CNGB3: variants seen among roughly 807,000 people sequenced by gnomAD.
CNGB3 encodes the protein cyclic nucleotide-gated channel beta-3.
Under a neutral mutation model 92.8 loss-of-function variants are expected in CNGB3, and 86 were observed. The ratio of observed to expected loss-of-function variants is 0.93; its 90% confidence interval spans 0.78 to 1.11. The LOEUF is 1.11. Among genes scored for constraint, CNGB3 ranks in the 50% least tolerant of loss-of-function variants. The pLI is 0.00. For missense variants in CNGB3, 1,026 were observed against 956.8 expected (o/e 1.07, Z -0.95); for synonymous variants, 333 against 332.7 (o/e 1.00, Z -0.01).
intron 3 of CNGB3, among the ~76,000 whole-genome samples, chr8:86,678,413 GTTGT>G (rs1323914224): frequency 6.6e-6 from 1 of 152,138 alleles, no homozygotes; most frequent in Non-Finnish European, 1.5e-5. Flanking sequence ...AAGATTTTGA[GTTGT>G]TTATCACATT....
At chr8:86,579,786 C>T (rs773493797) in intron 15 of CNGB3, among the ~76,000 whole-genome samples, 33 of 152,322 alleles carry the variant, frequency 2.2e-4, no homozygotes, top group Non-Finnish European at 1.8e-4. Context: ...CCAAAATCTA[C>T]AGCTCCTGAC....
intron 14 of CNGB3, among the ~76,000 whole-genome samples, chr8:86,608,377 C>T (rs574798263): frequency 3.3e-5 from 5 of 152,354 alleles, no homozygotes; most frequent in East Asian, 3.9e-4. Flanking sequence ...TCTGGGAAGA[C>T]GCCCGTTGCC....
intron 12 of CNGB3, among the ~76,000 whole-genome samples, chr8:86,627,156 C>G (rs1822865724): frequency 6.6e-6 from 1 of 151,986 alleles, no homozygotes; most frequent in Non-Finnish European, 1.5e-5. Flanking sequence ...TGCTGTATTA[C>G]ATCCCTATTT....
At chr8:86,711,556 C>A (rs916355620) in intron 3 of CNGB3, among the ~76,000 whole-genome samples, 4 of 152,138 alleles carry the variant, frequency 2.6e-5, no homozygotes, top group Non-Finnish European at 5.9e-5. Flanking sequence ...GAGCTGTCAT[C>A]TCTCCATGAT....
Position 86,666,955 on chromosome 8 carries a change from T to C in CNGB3, c.822A>G (p.Arg274=), listed in dbSNP as rs1171294303. 2.5e-6 allele frequency: 4 copies of C among 1,612,550 alleles called. No homozygotes were observed. Among genetic ancestry groups the C allele is most frequent in the East Asian group, 2.2e-5 (1 of 44,876 alleles). ...TGTCTCCTCCTCTTACAAACTGGAG[T>C]CTGGGCTGGATAAATAGCATATCAT... ...YLYDMLFIQP[R]LQFVRGGDII... The change falls in exon 6 of 18, where the codon AGA becomes AGG. Residue 274 remains arginine (R), a synonymous_variant. Coordinates refer to ENST00000320005, the MANE Select transcript of CNGB3 (RefSeq NM_019098.5).
Position 86,651,252 on chromosome 8 carries a change from A to G in CNGB3, c.903+2760T>C, listed in dbSNP as rs1585993222. Among the ~76,000 whole-genome samples, 4 of 151,798 alleles carry G rather than the reference A, an allele frequency of 2.6e-5. 1 individual carries two copies. The highest frequency in any genetic ancestry group is 2.6e-4 in the Admixed American group (4 of 15,196). On this transcript the variant is annotated intron_variant, in intron 7 of 17. Coordinates refer to ENST00000320005, the MANE Select transcript of CNGB3 (RefSeq NM_019098.5). ...GTGCACTGAAATCTCATAATTTACC[A>G]CTATATAATTCATCCATGTAACCAA... is the stretch of plus-strand genomic sequence containing the variant.
At chr8:86,591,027 C>A (rs1238414723) in intron 15 of CNGB3, among the ~76,000 whole-genome samples, 1 of 152,214 alleles carries the variant, frequency 6.6e-6, no homozygotes, top group African/African-American at 2.4e-5. Context: ...TTCTTCAAGG[C>A]TTTGCTTGTT....
At chr8:86,645,747 A>T (rs1484660886) in intron 8 of CNGB3, among the ~76,000 whole-genome samples, 1 of 151,340 alleles carries the variant, frequency 6.6e-6, no homozygotes, top group Non-Finnish European at 1.5e-5. Context: ...CACTCAGATT[A>T]TAATTTAAAT....
intron 13 of CNGB3, among the ~76,000 whole-genome samples, chr8:86,621,866 C>T (rs945450495): frequency 6.6e-6 from 1 of 152,060 alleles, no homozygotes; most frequent in Admixed American, 6.6e-5. Flanking sequence ...AGATTAAGAC[C>T]ATCCTGGCCA....
chr8:86,736,494 G>T (rs1319425834), intron 2 of CNGB3, among the ~76,000 whole-genome samples: 2 of 152,038 alleles, frequency 1.3e-5, no homozygotes, highest in Non-Finnish European at 2.9e-5. Context: ...CTTTTCAAAG[G>T]TGTAATCCTT....
At chr8:86,694,435 C>A (rs543043586) in intron 3 of CNGB3, among the ~76,000 whole-genome samples, 1 of 151,700 alleles carries the variant, frequency 6.6e-6, no homozygotes, top group East Asian at 2.0e-4. Context: ...GGGTGGCTGC[C>A]GGGCGGAGAC....
chr8:86,738,614 A>T (rs1057348866), intron 2 of CNGB3, among the ~76,000 whole-genome samples: 23 of 152,130 alleles, frequency 1.5e-4, no homozygotes, highest in Admixed American at 1.5e-3. Flanking sequence ...CCAAGGCGGG[A>T]GGATCACGAG....
intron 14 of CNGB3, among the ~76,000 whole-genome samples, chr8:86,609,062 T>C (rs1822469553): frequency 6.6e-6 from 1 of 152,186 alleles, no homozygotes. Flanking sequence ...TTAATTCCTT[T>C]TCCTGCCTTA....
At position 86,578,705 on chromosome 8, in the gene CNGB3, C is replaced by T. The variant is rs377730576; in HGVS notation, c.2087G>A (p.Arg696Gln). ...ASLARLLKLK[R>Q]EQAAQKKENS... ...CCTTATTACCTGAGCTGCTTGCTCT[C>T]GCTTCAATTTGAGTAGTCTTGCAAG... The change falls in exon 17 of 18, where the codon CGA (arginine) becomes CAA (glutamine). Residue 696 changes from arginine to glutamine, a missense_variant. Transcript: ENST00000320005. 9.5e-5 allele frequency: 153 copies of T among 1,614,036 alleles called. No individual in the cohort carries two copies. Among genetic ancestry groups the T allele is most frequent in the African/African-American group, 1.3e-4 (10 of 75,042 alleles).
chr8:86,694,508 C>A (rs548560453), intron 3 of CNGB3, among the ~76,000 whole-genome samples: 75 of 150,736 alleles, frequency 5.0e-4, no homozygotes, highest in Middle Eastern at 3.5e-3. Context: ...TCAGATGGGG[C>A]GGCTGCCGGG....
intron 16 of CNGB3, 36 bp from the exon 17 acceptor site, chr8:86,578,899 C>T (rs767732675): frequency 3.1e-6 from 5 of 1,613,490 alleles, no homozygotes; most frequent in Non-Finnish European, 2.5e-6. Context: ...TTAGGTAACT[C>T]TGTGAGAGTT....
At position 86,666,930 on chromosome 8, in the gene CNGB3, T is replaced by A; in HGVS notation, c.847A>T (p.Ile283Leu). 6.2e-7 allele frequency: 1 copy of A among 1,611,836 alleles called. No homozygotes were observed. Among genetic ancestry groups the A allele is most frequent in the Non-Finnish European group, 8.5e-7 (1 of 1,179,372 alleles). Reference protein sequence around the residue: ...PRLQFVRGGDIIVDSNELRKH... With the variant: ...PRLQFVRGGDLIVDSNELRKH... ...CTTTCCCGAACCCCACTTACTATTA[T>A]GTCTCCTCCTCTTACAAACTGGAGT... is the stretch of plus-strand genomic sequence containing the variant. The change falls in exon 6 of 18, where the codon ATA becomes TTA. Residue 283 changes from isoleucine to leucine, a missense_variant. Ile to Leu is a conservative substitution (Grantham distance 5, BLOSUM62 2). Coordinates refer to ENST00000320005, the MANE Select transcript of CNGB3 (RefSeq NM_019098.5).
rs111731374 is a variant in CNGB3 at position 86,634,503 on chromosome 8, T to C, written c.1179-1610A>G. ...TATATATTTCATAATTCTTGTGCAC[T>C]TAGGCATACTATCTGGTAATTCTAC... is the stretch of plus-strand genomic sequence containing the variant. On this transcript the variant is annotated intron_variant, in intron 10 of 17. Coordinates refer to ENST00000320005, the MANE Select transcript of CNGB3 (RefSeq NM_019098.5). Among the ~76,000 whole-genome samples the C allele has an allele frequency of 7.6e-4, 115 of 152,230 alleles. 1 individual carries two copies. The South Asian group carries it at 0.012, about 16-fold the overall frequency.
chr8:86,703,291 A>G (rs960108651), intron 3 of CNGB3, among the ~76,000 whole-genome samples: 2 of 152,162 alleles, frequency 1.3e-5, no homozygotes, highest in Non-Finnish European at 2.9e-5. Context: ...TTCCACTTAC[A>G]GGCAAGGTTA....
Sources: allele counts gnomAD v4.1 joint callset (sites outside exome capture counted in the v4.1 genomes callset), GRCh38; gene constraint gnomAD v4.1.1; transcripts MANE v1.5; gene names NCBI Gene and HGNC (gene_info 2026-07-23, HGNC 2026-07-21).